The following TAX1BP1 variants were observed in gnomAD, a reference collection of about 807,000 sequenced individuals.
TAX1BP1 encodes Tax1 binding protein 1.
TAX1BP1 carries 62 observed loss-of-function variants against 97.7 expected under a neutral mutation model. That is an observed-to-expected ratio of 0.63 (90% CI 0.52 to 0.78). The LOEUF is 0.78. Ranked by LOEUF, TAX1BP1 falls within the 30% of genes least tolerant of loss-of-function variation. The pLI, the probability that TAX1BP1 is intolerant of heterozygous loss-of-function variation, is 0.00. For missense variants in TAX1BP1, 867 were observed against 916.1 expected (o/e 0.95, Z 0.69); for synonymous variants, 340 against 304.2 (o/e 1.12, Z -1.23).
chr7:27,800,198 G>GT (rs1446494211), intron 13 of TAX1BP1, 108 bp downstream of exon 13: 1 of 1,055,004 alleles, frequency 9.5e-7, no homozygotes, highest in African/African-American at 1.6e-5. Context: ...ATAATTGATA[G>GT]TTTTTTCTAC....
At chr7:27,740,969 TGC>T (rs138754469) in intron 1 of TAX1BP1, among the ~76,000 whole-genome samples, 2 of 151,722 alleles carry the variant, frequency 1.3e-5, no homozygotes, top group Non-Finnish European at 1.5e-5. Flanking sequence ...GAGTTTAGCG[TGC>T]GCGCGCGCGC....
rs192878761 is a variant in TAX1BP1, at chr7:27,755,823, G to A, written c.163-2208G>A. ...CAATTAACTGGTTAACTAGATTCAG[G>A]TATATCTCCTAGAAGCAATGTATTT... On this transcript the variant is annotated intron_variant, in intron 2 of 16. Coordinates refer to ENST00000396319, the MANE Select transcript of TAX1BP1 (RefSeq NM_006024.7). Among the ~76,000 whole-genome samples, 204 of 152,234 alleles carry A rather than the reference G, an allele frequency of 1.3e-3. 1 individual carries two copies. The highest frequency in any genetic ancestry group is 3.9e-3 in the Admixed American group (59 of 15,294).
At chr7:27,754,504 A>G (rs912515716) in intron 2 of TAX1BP1, among the ~76,000 whole-genome samples, 1 of 151,528 alleles carries the variant, frequency 6.6e-6, no homozygotes, top group Non-Finnish European at 1.5e-5. Flanking sequence ...TAGCACTGTT[A>G]ATGTTTTAAG....
chr7:27,781,737 G>A (rs192539733), intron 5 of TAX1BP1, among the ~76,000 whole-genome samples: 7 of 150,902 alleles, frequency 4.6e-5, no homozygotes, highest in Admixed American at 1.3e-4. Context: ...TTTTTGAGAC[G>A]GAGTCTTACT....
At chr7:27,827,306 T>C (rs1791212468) in intron 15 of TAX1BP1, among the ~76,000 whole-genome samples, 1 of 151,048 alleles carries the variant, frequency 6.6e-6, no homozygotes, top group South Asian at 2.1e-4. Context: ...TCAGCCGAGA[T>C]CGCGCCACTG....
chr7:27,814,174 G>T (rs764928918), intron 13 of TAX1BP1, among the ~76,000 whole-genome samples: 3 of 149,646 alleles, frequency 2.0e-5, no homozygotes, highest in South Asian at 2.1e-4. Context: ...CTGTAGTCAC[G>T]TGCCAGTCTT....
chr7:27,808,011 T>C (rs550558864), intron 13 of TAX1BP1, among the ~76,000 whole-genome samples: 11 of 152,174 alleles, frequency 7.2e-5, no homozygotes, highest in South Asian at 4.1e-4. Context: ...TGAGCACTTA[T>C]TACTTTCTGG....
At chr7:27,821,270 A>T (rs956114057) in intron 15 of TAX1BP1, among the ~76,000 whole-genome samples, 1 of 152,198 alleles carries the variant, frequency 6.6e-6, no homozygotes, top group Non-Finnish European at 1.5e-5. Context: ...GTTATTAATG[A>T]GTTTAAAGAA....
At chr7:27,768,621 G>A (rs1365235214) in intron 4 of TAX1BP1, among the ~76,000 whole-genome samples, 3 of 151,814 alleles carry the variant, frequency 2.0e-5, no homozygotes, top group African/African-American at 7.2e-5. Context: ...TACTTGCCTG[G>A]TTCTAATTTT....
At chr7:27,813,206 G>C (rs1362608309) in intron 13 of TAX1BP1, among the ~76,000 whole-genome samples, 3 of 147,000 alleles carry the variant, frequency 2.0e-5, no homozygotes, top group Admixed American at 6.9e-5. Flanking sequence ...CCAGGCTGGA[G>C]TGAGTGGCTT....
chr7:27,793,284 A>G, intron 10 of TAX1BP1, 72 bp downstream of exon 10: 1 of 1,284,976 alleles, frequency 7.8e-7, no homozygotes, highest in East Asian at 2.6e-5. Flanking sequence ...AATTTGTAAT[A>G]TTCCAAATAT....
At chr7:27,781,891 AT>A (rs1362342550) in intron 5 of TAX1BP1, among the ~76,000 whole-genome samples, 1 of 151,520 alleles carries the variant, frequency 6.6e-6, no homozygotes, top group Non-Finnish European at 1.5e-5. Context: ...GCTGATTTTT[AT>A]GTTTTTAGTA....
At chr7:27,827,667 G>C in intron 15 of TAX1BP1, 71 bp from the exon 16 acceptor site, 5 of 1,276,570 alleles carry the variant, frequency 3.9e-6, no homozygotes, top group Non-Finnish European at 5.7e-6. Context: ...GTCAGTATGT[G>C]CTTGATTGAA....
At chr7:27,814,608 T>C (rs1790691927) in intron 13 of TAX1BP1, among the ~76,000 whole-genome samples, 1 of 152,240 alleles carries the variant, frequency 6.6e-6, no homozygotes, top group Non-Finnish European at 1.5e-5. Context: ...ATTTTATCTA[T>C]TGATTTTACT....
At chr7:27,769,607 A>T (rs1788768539) in intron 4 of TAX1BP1, 69 bp from the exon 5 acceptor site, 1 of 1,312,268 alleles carries the variant, frequency 7.6e-7, no homozygotes, top group Admixed American at 2.7e-5. Context: ...GAAATGGAAA[A>T]CTAAATTTGT....
At chr7:27,826,140 C>T (rs768786420) in intron 15 of TAX1BP1, among the ~76,000 whole-genome samples, 2 of 152,180 alleles carry the variant, frequency 1.3e-5, no homozygotes, top group Admixed American at 1.3e-4. Context: ...CAACTACTTT[C>T]TCATCTTCCT....
chr7:27,742,392 C>T (rs1583657989), intron 1 of TAX1BP1, among the ~76,000 whole-genome samples: 1 of 152,324 alleles, frequency 6.6e-6, no homozygotes, highest in East Asian at 1.9e-4. Context: ...AGCATGCTGC[C>T]TTCAAGCATC....
chr7:27,767,239 C>T (rs1788680182), intron 4 of TAX1BP1, among the ~76,000 whole-genome samples: 1 of 152,068 alleles, frequency 6.6e-6, no homozygotes, highest in Non-Finnish European at 1.5e-5. Context: ...GTTCAGTATA[C>T]ATTTTTGGCT....
At chr7:27,796,580 G>T (rs533799789) in intron 12 of TAX1BP1, among the ~76,000 whole-genome samples, 1 of 152,130 alleles carries the variant, frequency 6.6e-6, no homozygotes, top group African/African-American at 2.4e-5. Context: ...TACTATTATC[G>T]GCCAGGTGCG....
Sources: allele counts gnomAD v4.1 joint callset (sites outside exome capture counted in the v4.1 genomes callset), GRCh38; gene constraint gnomAD v4.1.1; transcripts MANE v1.5; gene names NCBI Gene and HGNC (gene_info 2026-07-23, HGNC 2026-07-21).